Variants in RIPOR2 observed in about 807,000 individuals in gnomAD.
The protein encoded by RIPOR2 is RHO family interacting cell polarization regulator 2.
A neutral mutation model predicts 114.5 loss-of-function variants in RIPOR2; 39 were observed. The observed-to-expected ratio is 0.34, with a 90% CI of 0.26 to 0.44. The LOEUF (loss-of-function observed/expected upper bound fraction) is 0.44, where lower values mean the gene tolerates loss of function less well. Among genes scored for constraint, RIPOR2 ranks in the 20% least tolerant of loss-of-function variants. RIPOR2 has a pLI of 1.00. For missense variants in RIPOR2, 1,007 were observed against 1,255.1 expected (o/e 0.80, Z 2.99); for synonymous variants, 445 against 484.4 (o/e 0.92, Z 1.07).
intron 1 of RIPOR2, among the ~76,000 whole-genome samples, chr6:25,016,699 T>G (rs140583588): frequency 3.9e-5 from 6 of 152,368 alleles, no homozygotes; most frequent in Non-Finnish European, 8.8e-5. Flanking sequence ...GATTCATCAC[T>G]TCTTCCCTTG....
chr6:24,960,790 A>G (rs1773267507), intron 1 of RIPOR2, among the ~76,000 whole-genome samples: 1 of 152,104 alleles, frequency 6.6e-6, no homozygotes, highest in Non-Finnish European at 1.5e-5. Context: ...TTGGCCTCCC[A>G]AAGTGCTAGA....
chr6:24,974,929 G>A (rs1296537874), intron 1 of RIPOR2, among the ~76,000 whole-genome samples: 1 of 152,208 alleles, frequency 6.6e-6, no homozygotes, highest in Non-Finnish European at 1.5e-5. Context: ...GAAATAAAAT[G>A]TAAAGAATAA....
intron 21 of RIPOR2, among the ~76,000 whole-genome samples, chr6:24,808,983 C>T (rs1001867362): frequency 6.6e-6 from 1 of 152,010 alleles, no homozygotes; most frequent in Admixed American, 6.6e-5. Context: ...TGGTCTCGAA[C>T]TCTTGACCTC....
intron 1 of RIPOR2, among the ~76,000 whole-genome samples, chr6:24,914,984 G>A (rs977839827): frequency 6.6e-6 from 1 of 152,134 alleles, no homozygotes; most frequent in African/African-American, 2.4e-5. Context: ...ATTCCCTGCA[G>A]AAATAAAAAA....
chr6:24,931,396 G>T (rs1227507081), intron 1 of RIPOR2, among the ~76,000 whole-genome samples: 2 of 152,206 alleles, frequency 1.3e-5, no homozygotes, highest in African/African-American at 4.8e-5. Flanking sequence ...TTGGAGAAAG[G>T]AGAGAGGCTT....
intron 8 of RIPOR2, among the ~76,000 whole-genome samples, chr6:24,856,994 C>A (rs1298938128): frequency 6.6e-6 from 1 of 152,108 alleles, no homozygotes; most frequent in Non-Finnish European, 1.5e-5. Flanking sequence ...ACTTCTCAGC[C>A]CATGTTACTA....
chr6:24,837,636 C>T (rs1266125606), intron 14 of RIPOR2, among the ~76,000 whole-genome samples: 1 of 152,192 alleles, frequency 6.6e-6, no homozygotes, highest in African/African-American at 2.4e-5. Context: ...TCTTGAACTA[C>T]TGAGTTCAAG....
At chr6:24,958,977 G>C (rs1174030890) in intron 1 of RIPOR2, among the ~76,000 whole-genome samples, 1 of 18,226 alleles carries the variant, frequency 5.5e-5, no homozygotes, top group Non-Finnish European at 1.0e-4. Flanking sequence ...TTGGAGACAG[G>C]GTCTCACCCT....
rs187410480 is a variant in RIPOR2 at position 24,862,987 on chromosome 6, C to T, written c.652-1951G>A. On this transcript the variant is annotated intron_variant, in intron 7 of 21. Coordinates refer to ENST00000643898, the MANE Select transcript of RIPOR2 (RefSeq NM_001286445.3). ...TGTTTTTTTGAGATAGAGTCTCTAT[C>T]TGTCACCCAGGCTGGAGTGTAGTGG... 2.0e-5 allele frequency among the ~76,000 whole-genome samples: 3 copies of T among 152,256 alleles called. No individual in the cohort carries two copies. The East Asian group carries it at 5.8e-4, about 29-fold the overall frequency.
At chr6:24,999,287 C>T (rs1056255949) in intron 1 of RIPOR2, among the ~76,000 whole-genome samples, 2 of 152,168 alleles carry the variant, frequency 1.3e-5, no homozygotes, top group African/African-American at 4.8e-5. Context: ...CATTAACATA[C>T]AAATCACACA....
chr6:24,974,017 C>A (rs1404599875), intron 1 of RIPOR2, among the ~76,000 whole-genome samples: 1 of 152,052 alleles, frequency 6.6e-6, no homozygotes. Flanking sequence ...CCTGGGTGAC[C>A]TGGGTCAATT....
chr6:25,039,813 G>C (rs1283977143), intron 1 of RIPOR2, among the ~76,000 whole-genome samples: 3 of 152,176 alleles, frequency 2.0e-5, no homozygotes, highest in African/African-American at 7.2e-5. Flanking sequence ...GTACGCGCAA[G>C]TAAAAGAAAC....
At chr6:24,986,502 A>C (rs1269642208) in intron 1 of RIPOR2, among the ~76,000 whole-genome samples, 1 of 152,230 alleles carries the variant, frequency 6.6e-6, no homozygotes, top group Admixed American at 6.5e-5. Context: ...AGGTTATTTG[A>C]TGCTAATAAA....
At chr6:24,902,496 C>T (rs931268328) in intron 1 of RIPOR2, among the ~76,000 whole-genome samples, 6 of 152,262 alleles carry the variant, frequency 3.9e-5, no homozygotes, top group South Asian at 2.1e-4. Context: ...GGATTACACG[C>T]GCAAGCCACC....
In RIPOR2 at chr6:24,852,537, G is replaced by A; in HGVS notation, c.759+38C>T. The A allele has an allele frequency of 1.3e-6, 2 of 1,535,934 alleles. 1 individual carries two copies. The highest frequency in any genetic ancestry group is 2.7e-5 in the African/African-American group (2 of 73,054). ...ATGACAACTGGCCCCTACCCTTCAG[G>A]TCCATAATTCCAGCACCTAGACCAA... On this transcript the variant is annotated intron_variant, in intron 9 of 21. Coordinates refer to ENST00000643898, the MANE Select transcript of RIPOR2 (RefSeq NM_001286445.3).
chr6:24,851,749 G>GAA (rs961386017), intron 9 of RIPOR2, among the ~76,000 whole-genome samples: 13 of 131,020 alleles, frequency 9.9e-5, no homozygotes, highest in Non-Finnish European at 1.2e-4. Flanking sequence ...CTTGGATCAG[G>GAA]AAAAAAAAAA....
intron 1 of RIPOR2, among the ~76,000 whole-genome samples, chr6:24,951,292 G>A (rs1772741665): frequency 6.6e-6 from 1 of 152,170 alleles, no homozygotes; most frequent in Non-Finnish European, 1.5e-5. Flanking sequence ...AGGAGAACTT[G>A]TGTTGTCTTC....
intron 8 of RIPOR2, among the ~76,000 whole-genome samples, chr6:24,853,619 T>C (rs1400552860): frequency 6.6e-6 from 1 of 152,224 alleles, no homozygotes; most frequent in Admixed American, 6.5e-5. Context: ...TATCCTACTC[T>C]AGAAAATTTA....
At chr6:24,865,681 G>A (rs917939842) in intron 6 of RIPOR2, among the ~76,000 whole-genome samples, 74 of 152,276 alleles carry the variant, frequency 4.9e-4, no homozygotes, top group Admixed American at 4.6e-3. Flanking sequence ...CAAAAGGGAA[G>A]TGCCTCTCTT....
Sources: gnomAD v4.1 joint callset for allele counts (sites outside exome capture counted in the v4.1 genomes callset) on GRCh38, gnomAD v4.1.1 for gene constraint, MANE v1.5 for transcripts, NCBI Gene and HGNC (gene_info 2026-07-23, HGNC 2026-07-21) for gene names.